Variants in CIMAP1B observed in about 807,000 individuals in gnomAD.
CIMAP1B encodes the protein ciliary microtubule associated protein 1B, also known as orf2 5' to PD-ECGF/TP.
At chr22:50,531,384 C>A in the CIMAP1B span, 1 of 1,190,660 alleles carries the variant, frequency 8.4e-7, no homozygotes, top group Non-Finnish European at 1.2e-6. Flanking sequence ...AGTGGGGAGT[C>A]TGAGCCACGA....
chr22:50,531,149 TG>T, the CIMAP1B span: 1 of 1,593,596 alleles, frequency 6.3e-7, no homozygotes, highest in Non-Finnish European at 8.6e-7. Flanking sequence ...CGGTCTCGAG[TG>T]GGAAGGCCCA....
At chr22:50,531,593 G>A in the CIMAP1B span, 10 of 1,404,222 alleles carry the variant, frequency 7.1e-6, no homozygotes, top group African/African-American at 1.5e-5. Flanking sequence ...GAGGAAGGGC[G>A]CTGAGCGGCG....
the CIMAP1B span, chr22:50,532,155 C>T: frequency 1.5e-6 from 2 of 1,308,356 alleles, no homozygotes; most frequent in Admixed American, 4.2e-5. Flanking sequence ...ACCGCAAATT[C>T]TTGGGGAGCG....
the CIMAP1B span, chr22:50,531,401 A>G: frequency 8.9e-7 from 1 of 1,126,796 alleles, no homozygotes; most frequent in Non-Finnish European, 1.3e-6. Context: ...ACGATTTATC[A>G]AAGCCCCGTG....
At chr22:50,530,727 G>C in the CIMAP1B span, 1 of 1,612,064 alleles carries the variant, frequency 6.2e-7, no homozygotes, top group Non-Finnish European at 8.5e-7. Context: ...CCACGTTGTA[G>C]GCCGCGGGCC....
chr22:50,531,627 CGGG>C, the CIMAP1B span: 1 of 1,386,938 alleles, frequency 7.2e-7, no homozygotes. Context: ...ATGGAGTAGG[CGGG>C]GGCGCCGTCG....
At chr22:50,532,040 T>C in the CIMAP1B span, 2 of 1,345,840 alleles carry the variant, frequency 1.5e-6, no homozygotes, top group Non-Finnish European at 1.9e-6. Context: ...GCGGGGCCGG[T>C]GTGGCCGCCA....
the CIMAP1B span, chr22:50,531,938 A>C: frequency 7.8e-7 from 1 of 1,288,106 alleles, no homozygotes; most frequent in Non-Finnish European, 9.9e-7. Context: ...GCGCCGTCCC[A>C]CCCCTCAATC....
chr22:50,531,821 A>T, the CIMAP1B span: 1 of 1,339,672 alleles, frequency 7.5e-7, no homozygotes, highest in Non-Finnish European at 9.6e-7. Context: ...CCCAAGCCCC[A>T]TCTGCAACAC....
chr22:50,531,806 C>T, the CIMAP1B span: 3 of 1,349,326 alleles, frequency 2.2e-6, no homozygotes, highest in Non-Finnish European at 2.9e-6. Context: ...CTGGCCGGGC[C>T]CAGCCCCAAG....
At chr22:50,531,195 G>T in the CIMAP1B span, 4 of 1,612,186 alleles carry the variant, frequency 2.5e-6, no homozygotes, top group Non-Finnish European at 3.4e-6. Context: ...CCTCACCTGG[G>T]CTCTGCTGTT....
chr22:50,532,173 C>T, the CIMAP1B span: 22 of 1,299,682 alleles, frequency 1.7e-5, no homozygotes, highest in Non-Finnish European at 2.2e-5. Flanking sequence ...GCGCACTTTC[C>T]CACTACCCTG....
chr22:50,532,384 G>A, the CIMAP1B span: 1 of 301,848 alleles, frequency 3.3e-6, no homozygotes, highest in Admixed American at 5.2e-5. Flanking sequence ...ATCACCTGGG[G>A]GTGGGGTGGG....
At chr22:50,531,544 G>C in the CIMAP1B span, 1 of 1,401,542 alleles carries the variant, frequency 7.1e-7, no homozygotes, top group African/African-American at 1.5e-5. Flanking sequence ...CGGCGTTGGG[G>C]TGGCCAGGGG....
At chr22:50,531,867 A>G in the CIMAP1B span, 3 of 1,322,500 alleles carry the variant, frequency 2.3e-6, no homozygotes, top group African/African-American at 4.7e-5. Context: ...TCTCCCCTCT[A>G]GCAGGCACGG....
At chr22:50,530,905 A>AC in the CIMAP1B span, 10 of 1,606,606 alleles carry the variant, frequency 6.2e-6, no homozygotes, top group Non-Finnish European at 5.9e-6. Flanking sequence ...CGGACCAGGG[A>AC]CCCCCTGCGT....
chr22:50,531,305 G>A, the CIMAP1B span: 1 of 1,601,464 alleles, frequency 6.2e-7, no homozygotes, highest in East Asian at 2.2e-5. Flanking sequence ...CCTGCGGGGC[G>A]GATCAAGGGT....
chr22:50,532,000 G>T, the CIMAP1B span: 1 of 1,358,544 alleles, frequency 7.4e-7, no homozygotes, highest in East Asian at 3.0e-5. Context: ...ATTTGGGCCC[G>T]GGGCCTCCGT....
At chr22:50,530,657 C>G in the CIMAP1B span, 8 of 1,595,828 alleles carry the variant, frequency 5.0e-6, no homozygotes, top group Admixed American at 1.0e-4. Flanking sequence ...TCACTCCGAC[C>G]TCAGGCCCTC....
Sources: gnomAD v4.1 joint callset for allele counts on GRCh38, gnomAD v4.1.1 for gene constraint, MANE v1.5 for transcripts, NCBI Gene and HGNC (gene_info 2026-07-23, HGNC 2026-07-21) for gene names.